The following ARHGAP40 variants were observed in gnomAD, a reference collection of about 807,000 sequenced individuals.
The protein encoded by ARHGAP40 is rho GTPase-activating protein 40.
ARHGAP40 carries 43 observed loss-of-function variants against 73.5 expected under a neutral mutation model. The observed-to-expected ratio is 0.58, with a 90% CI of 0.46 to 0.75. ARHGAP40 has a LOEUF of 0.75. Ranked by LOEUF, ARHGAP40 falls within the 30% of genes least tolerant of loss-of-function variation. The probability of loss-of-function intolerance (pLI) is 0.00; values close to 1 mark genes in which losing one functional copy is unlikely to be tolerated. For missense variants in ARHGAP40, 734 were observed against 861.8 expected, an observed-to-expected ratio of 0.85 and a Z score of 1.86; for synonymous variants, 300 against 352.8, an observed-to-expected ratio of 0.85 and a Z score of 1.68.
At chr20:38,610,494 G>A (rs1031381265) in intron 1 of ARHGAP40, among the ~76,000 whole-genome samples, 1 of 152,230 alleles carries the variant, frequency 6.6e-6, no homozygotes, top group African/African-American at 2.4e-5. Context: ...GGTCTGAGAA[G>A]GTGTCTCCAT....
At position 38,637,549 on chromosome 20, in the gene ARHGAP40, T is replaced by C. The variant is rs1424647125; in HGVS notation, c.950-159T>C. Among the ~76,000 whole-genome samples the C allele has an allele frequency of 2.0e-5, 3 of 152,292 alleles. 1 individual carries two copies. The highest frequency in any genetic ancestry group is 6.8e-3 in the Middle Eastern group (2 of 292). On this transcript the variant is annotated intron_variant, in intron 6 of 14. Coordinates refer to ENST00000373345, the Ensembl canonical transcript of ARHGAP40. ...ACATTACTGCTGAGGCCTAATGTTC[T>C]GCTCAAGAGGAGCGGTTTGGGTCCA...
exon 1 of ARHGAP40, chr20:38,601,902 G>T (rs1198171670): frequency 7.8e-7 from 1 of 1,286,834 alleles, no homozygotes; most frequent in Non-Finnish European, 1.0e-6. Context: ...GCCCCACGGC[G>T]GCAGCACCAC....
At position 38,646,319 on chromosome 20, in the gene ARHGAP40, G is replaced by GTTACACATACTGTTGGCCTGACCTGGC; in HGVS notation, c.1710+132_1710+133insTTACACATACTGTTGGCCTGACCTGGC. On this transcript the variant is annotated intron_variant, in intron 12 of 14. Coordinates refer to ENST00000373345, the Ensembl canonical transcript of ARHGAP40. The surrounding 1 kb of genome is among the most constrained non-coding windows in gnomAD (Gnocchi z 4.5). ...AACGGCCCAGTGAGGCCACCAGGGG[G>GTTACACATACTGTTGGCCTGACCTGGC]CGTTGCGGCGCCGTCACGGGGAGCG... 1 of 1,049,556 alleles carries GTTACACATACTGTTGGCCTGACCTGGC rather than the reference G, an allele frequency of 9.5e-7. No individual in the cohort carries two copies. The highest frequency in any genetic ancestry group is 1.2e-6 in the Non-Finnish European group (1 of 831,620). 65.0% of individuals were successfully genotyped at this position (1,049,556 alleles called of 1,614,324 possible).
intron 1 of ARHGAP40, among the ~76,000 whole-genome samples, chr20:38,609,391 C>T (rs2088791765): frequency 6.6e-6 from 1 of 152,220 alleles, no homozygotes; most frequent in Non-Finnish European, 1.5e-5. Context: ...AGGCTCCCAA[C>T]TGATGCTGAT....
At position 38,646,527 on chromosome 20, in the gene ARHGAP40, AG is replaced by A. The variant is rs1196593666; in HGVS notation, c.1710+341del. 2.0e-5 allele frequency among the ~76,000 whole-genome samples: 3 copies of A among 152,208 alleles called. No individual in the cohort carries two copies. The highest frequency in any genetic ancestry group is 4.4e-5 in the Non-Finnish European group (3 of 68,030). On this transcript the variant is annotated intron_variant, in intron 12 of 14. Transcript: ENST00000373345. The surrounding 1 kb of genome is among the most constrained non-coding windows in gnomAD (Gnocchi z 4.5). Reference sequence around the variant, plus strand: ...TGATTGGGGCTGGGTGGGGGATAGTAGAAGGGAAGAGCCTTCCAAAAATACT... The same window carrying A: ...TGATTGGGGCTGGGTGGGGGATAGTAAAGGGAAGAGCCTTCCAAAAATACT...
chr20:38,636,252 T>A (rs753683645), intron 6 of ARHGAP40, among the ~76,000 whole-genome samples: 3 of 151,500 alleles, frequency 2.0e-5, no homozygotes, highest in Non-Finnish European at 2.9e-5. Context: ...AAAACATGAT[T>A]TTTATTTATT....
At chr20:38,645,922 A>C in intron 11 of ARHGAP40, 125 bp from the exon 12 acceptor site, 1 of 916,352 alleles carries the variant, frequency 1.1e-6, no homozygotes, top group Non-Finnish European at 1.4e-6. Context: ...TGTCCAACAA[A>C]TGCATATTTC....
intron 1 of ARHGAP40, among the ~76,000 whole-genome samples, chr20:38,623,088 G>A (rs1462753982): frequency 1.3e-5 from 2 of 152,210 alleles, no homozygotes; most frequent in Admixed American, 1.3e-4. Flanking sequence ...CCGTAGGTAT[G>A]TCCAAGACTG....
intron 3 of ARHGAP40, among the ~76,000 whole-genome samples, chr20:38,628,148 G>A (rs13045578): frequency 0.016 from 2,457 of 152,272 alleles, 37 homozygotes; most frequent in Non-Finnish European, 0.024. Context: ...TAAGGGGTGA[G>A]TTATTCAGAA....
In ARHGAP40 at chr20:38,646,119, G is replaced by A; in HGVS notation, c.1642G>A (p.Ala548Thr). The change falls in exon 12 of 15, where the codon GCA becomes ACA. Residue 548 changes from alanine to threonine, a missense_variant. By Grantham distance (58) the Ala-to-Thr change is moderately conservative. Coordinates refer to ENST00000373345, the Ensembl canonical transcript of ARHGAP40. The surrounding 1 kb of genome is among the most constrained non-coding windows in gnomAD (Gnocchi z 4.5). ...CAGCAGGCGCCCCCAGCTCTGCGAC[G>A]CAGGCCTCAAGACTTGGCTGCGGAG... 1 of 1,304,174 alleles carries A rather than the reference G, an allele frequency of 7.7e-7. No homozygotes were observed. Among genetic ancestry groups the A allele is most frequent in the Non-Finnish European group, 1.0e-6 (1 of 988,870 alleles). 80.8% of individuals were successfully genotyped at this position (1,304,174 alleles called of 1,614,324 possible).
chr20:38,622,010 C>T (rs1322167524), intron 1 of ARHGAP40, among the ~76,000 whole-genome samples: 1 of 152,090 alleles, frequency 6.6e-6, no homozygotes, highest in Non-Finnish European at 1.5e-5. Flanking sequence ...AGTCATATCG[C>T]ACCACTGCAC....
At chr20:38,647,195 G>C in intron 13 of ARHGAP40, 69 bp downstream of exon 13, 1 of 1,229,992 alleles carries the variant, frequency 8.1e-7, no homozygotes, top group Non-Finnish European at 1.1e-6. Flanking sequence ...AGAGCTGAAG[G>C]CCACCAGGGG....
At chr20:38,645,765 A>C (rs1260840315) in intron 11 of ARHGAP40, among the ~76,000 whole-genome samples, 4 of 152,176 alleles carry the variant, frequency 2.6e-5, no homozygotes, top group Non-Finnish European at 5.9e-5. Flanking sequence ...ATCCCTCAGC[A>C]GGTGCAGGAC....
chr20:38,622,791 C>T (rs887546099), intron 1 of ARHGAP40, among the ~76,000 whole-genome samples: 4 of 152,178 alleles, frequency 2.6e-5, no homozygotes, highest in Admixed American at 6.5e-5. Flanking sequence ...CCCCTCTGCC[C>T]TTGGTTCAAC....
rs1475316659 is a variant in ARHGAP40, at chr20:38,623,378, C to T, written c.157C>T (p.Arg53Ter). ...CTACAGCTCTGGCCCCTCCTCAGGC[C>T]GAATGGATCAGCTTCCCCAGAAGAA... The change falls in exon 2 of 15, where the codon CGA (arginine) becomes TGA (stop). Residue 53 changes from arginine to a stop codon, truncating the protein, a stop_gained. Coordinates refer to ENST00000373345, the Ensembl canonical transcript of ARHGAP40. LOFTEE classifies it high-confidence loss of function. 5.4e-6 allele frequency: 7 copies of T among 1,290,232 alleles called. No homozygotes were observed. In the South Asian group the frequency reaches 7.4e-5, roughly 14 times the overall value. The allele number at this position is 1,290,232 out of a possible 1,614,324, so 79.9% of individuals were successfully genotyped here. A position where few individuals can be genotyped will look rare whatever the true frequency, so the allele number is the denominator to read the frequency against.
At chr20:38,609,040 C>T (rs1569006972) in intron 1 of ARHGAP40, among the ~76,000 whole-genome samples, 1 of 152,170 alleles carries the variant, frequency 6.6e-6, no homozygotes, top group Non-Finnish European at 1.5e-5. Context: ...TCAGGCAACC[C>T]AGAATAATCT....
intron 6 of ARHGAP40, among the ~76,000 whole-genome samples, chr20:38,636,887 T>C (rs2145610099): frequency 6.6e-6 from 1 of 152,012 alleles, no homozygotes; most frequent in African/African-American, 2.4e-5. Flanking sequence ...AAGAGGATGG[T>C]GAATAAAAAA....
At chr20:38,604,787 A>G (rs1311553905) in intron 1 of ARHGAP40, among the ~76,000 whole-genome samples, 1 of 152,226 alleles carries the variant, frequency 6.6e-6, no homozygotes, top group Non-Finnish European at 1.5e-5. Context: ...TAGTAAAAAT[A>G]CTACCTCCAC....
At chr20:38,622,258 A>G (rs2088877588) in intron 1 of ARHGAP40, among the ~76,000 whole-genome samples, 2 of 152,156 alleles carry the variant, frequency 1.3e-5, no homozygotes, top group South Asian at 4.1e-4. Flanking sequence ...ATATCTATAG[A>G]ACTTGCAGAA....
Sources: allele counts gnomAD v4.1 joint callset (sites outside exome capture counted in the v4.1 genomes callset), GRCh38; gene constraint gnomAD v4.1.1; non-coding constraint Gnocchi (gnomAD v3.1); transcripts MANE v1.5; gene names NCBI Gene and HGNC (gene_info 2026-07-23, HGNC 2026-07-21).